Variants in FBXW8 observed in about 807,000 individuals in gnomAD.
FBXW8 encodes F-box and WD repeat domain containing 8.
FBXW8 carries 57 observed loss-of-function variants against 65.3 expected under a neutral mutation model. The ratio of observed to expected loss-of-function variants is 0.87; its 90% CI spans 0.71 to 1.09. The LOEUF (loss-of-function observed/expected upper bound fraction) is 1.09, where lower values mean the gene tolerates loss of function less well. Ranked by LOEUF, FBXW8 falls within the 50% of genes least tolerant of loss-of-function variation. FBXW8 has a pLI of 0.00. For missense variants in FBXW8, 777 were observed against 814.8 expected (o/e 0.95, Z 0.57); for synonymous variants, 308 against 330.2 (o/e 0.93, Z 0.73).
At chr12:116,953,683 G>A (rs972088684) in intron 4 of FBXW8, among the ~76,000 whole-genome samples, 3 of 151,784 alleles carry the variant, frequency 2.0e-5, no homozygotes, top group African/African-American at 7.3e-5. Flanking sequence ...TGAGGCAGGA[G>A]AATGGCGTGA....
At chr12:116,928,663 C>T (rs1003398693) in intron 2 of FBXW8, among the ~76,000 whole-genome samples, 1 of 152,126 alleles carries the variant, frequency 6.6e-6, no homozygotes, top group African/African-American at 2.4e-5. Flanking sequence ...CAATGTCACC[C>T]GTCTCACACT....
At chr12:116,922,067 T>C (rs1880954919) in intron 1 of FBXW8, among the ~76,000 whole-genome samples, 1 of 152,148 alleles carries the variant, frequency 6.6e-6, no homozygotes, top group Non-Finnish European at 1.5e-5. Flanking sequence ...TGGCCCCTAA[T>C]GATCTGTCTA....
At chr12:117,018,355 T>C (rs1035992623) in intron 8 of FBXW8, among the ~76,000 whole-genome samples, 4 of 152,256 alleles carry the variant, frequency 2.6e-5, no homozygotes, top group Non-Finnish European at 4.4e-5. Context: ...ATATCTACCA[T>C]TGGCTCCTCT....
At chr12:116,945,242 T>A in intron 2 of FBXW8, 122 bp from the exon 3 acceptor site, 1 of 894,946 alleles carries the variant, frequency 1.1e-6, no homozygotes, top group Non-Finnish European at 1.7e-6. Context: ...AGTGTTTTGT[T>A]AATGAGACAT....
chr12:117,003,307 C>T (rs1953585511), intron 7 of FBXW8, among the ~76,000 whole-genome samples: 1 of 152,198 alleles, frequency 6.6e-6, no homozygotes, highest in Non-Finnish European at 1.5e-5. Context: ...CTCCTATGTG[C>T]CAAACACTGC....
chr12:117,026,124 T>G (rs925564087), intron 9 of FBXW8, among the ~76,000 whole-genome samples: 1 of 152,174 alleles, frequency 6.6e-6, no homozygotes, highest in Admixed American at 6.5e-5. Flanking sequence ...GTCATGTACC[T>G]CCCGCTGTCC....
At chr12:116,940,318 T>C (rs1309499422) in intron 2 of FBXW8, among the ~76,000 whole-genome samples, 2 of 143,068 alleles carry the variant, frequency 1.4e-5, no homozygotes, top group South Asian at 2.2e-4. Context: ...AGATGACTTA[T>C]GGATGGGAGA....
intron 6 of FBXW8, chr12:116,986,429 C>T (rs1244060029): frequency 6.6e-6 from 1 of 152,228 alleles, no homozygotes; most frequent in Non-Finnish European, 1.5e-5. Flanking sequence ...GAGATCGAGA[C>T]CATCCTGGCT....
intron 4 of FBXW8, 134 bp downstream of exon 4, chr12:116,949,840 A>G (rs7136629): frequency 0.023 from 18,293 of 809,596 alleles, 1,117 homozygotes; most frequent in East Asian, 0.21. Flanking sequence ...CATGTGGAAG[A>G]GGGAGAGTCT....
At chr12:116,965,846 C>A (rs1324084051) in intron 5 of FBXW8, among the ~76,000 whole-genome samples, 1 of 152,124 alleles carries the variant, frequency 6.6e-6, no homozygotes, top group African/African-American at 2.4e-5. Flanking sequence ...GCATCCTCAA[C>A]CTCCCGGGAT....
Position 116,964,726 on chromosome 12 carries a change from A to G in FBXW8, c.707A>G (p.Asp236Gly), listed in dbSNP as rs752339865. ...GYTSGDVRVW[D>G]TRTWDYVAPF... ...ACATCAGGGGATGTGAGAGTGTGGG[A>G]CACCCGCACCTGGGACTACGTAGCC... is the stretch of plus-strand genomic sequence containing the variant. The change falls in exon 5 of 11, where the codon GAC becomes GGC. Residue 236 changes from aspartate to glycine, a missense_variant. Coordinates refer to ENST00000652555, the MANE Select transcript of FBXW8 (RefSeq NM_153348.3). 8 of 1,613,736 alleles carry G rather than the reference A, an allele frequency of 5.0e-6. No homozygotes were observed. The South Asian group carries it at 8.8e-5, about 18-fold the overall frequency.
At chr12:116,915,463 A>G (rs1593030928) in intron 1 of FBXW8, among the ~76,000 whole-genome samples, 2 of 152,190 alleles carry the variant, frequency 1.3e-5, no homozygotes, top group African/African-American at 4.8e-5. Context: ...TCAAGTGTAC[A>G]CATCCATGTA....
At chr12:116,931,607 G>C (rs895753051) in intron 2 of FBXW8, among the ~76,000 whole-genome samples, 2 of 152,030 alleles carry the variant, frequency 1.3e-5, no homozygotes, top group African/African-American at 4.8e-5. Context: ...TTGTTCCTAA[G>C]TATTTATTTT....
intron 1 of FBXW8, among the ~76,000 whole-genome samples, chr12:116,919,239 CAGAG>C (rs1880689806): frequency 6.6e-6 from 1 of 152,174 alleles, no homozygotes; most frequent in Non-Finnish European, 1.5e-5. Flanking sequence ...TCCTTGTCCT[CAGAG>C]AGCCTAAAGT....
At chr12:117,026,010 A>G (rs1442232042) in intron 9 of FBXW8, among the ~76,000 whole-genome samples, 2 of 152,208 alleles carry the variant, frequency 1.3e-5, no homozygotes, top group Non-Finnish European at 2.9e-5. Context: ...CACCAGCACA[A>G]GGCTGACAGA....
chr12:116,977,673 A>G (rs1287274131), intron 5 of FBXW8: 1 of 152,136 alleles, frequency 6.6e-6, no homozygotes, highest in Non-Finnish European at 1.5e-5. Flanking sequence ...GGTTATAGAG[A>G]ACACTGGCCT....
chr12:116,962,022 G>A (rs1263538753), intron 4 of FBXW8, among the ~76,000 whole-genome samples: 1 of 152,108 alleles, frequency 6.6e-6, no homozygotes, highest in Non-Finnish European at 1.5e-5. Context: ...ATAGTGGTGC[G>A]GGTAGTGGGC....
intron 8 of FBXW8, among the ~76,000 whole-genome samples, chr12:117,020,473 G>A (rs1181117100): frequency 6.6e-6 from 1 of 152,146 alleles, no homozygotes; most frequent in African/African-American, 2.4e-5. Flanking sequence ...GGGGCGTGTG[G>A]TGCACCACCC....
intron 7 of FBXW8, among the ~76,000 whole-genome samples, chr12:116,992,790 G>GTGTGTGT (rs1953277411): frequency 6.6e-6 from 1 of 151,394 alleles, no homozygotes; most frequent in South Asian, 2.1e-4. Flanking sequence ...GTGTGTGTGT[G>GTGTGTGT]TGTGTGTATC....
Sources: gnomAD v4.1 joint callset for allele counts (sites outside exome capture counted in the v4.1 genomes callset) on GRCh38, gnomAD v4.1.1 for gene constraint, MANE v1.5 for transcripts, NCBI Gene and HGNC (gene_info 2026-07-23, HGNC 2026-07-21) for gene names.